UNC13C: variants seen among roughly 807,000 people sequenced by gnomAD.
UNC13C encodes unc-13 homolog C, also known as protein unc-13 homolog C.
In UNC13C, 174 loss-of-function variants were observed where a neutral mutation model predicts 245.4. That is an observed-to-expected ratio of 0.71 (90% CI 0.63 to 0.80). The LOEUF is 0.80. UNC13C is among the 30% of genes least tolerant of loss of function. The probability of loss-of-function intolerance (pLI) is 0.00; values close to 1 mark genes in which losing one functional copy is unlikely to be tolerated. For synonymous variants in UNC13C, 992 were observed against 895.1 expected (o/e 1.11, Z -1.93); for missense variants, 2,829 against 2,602.9 (o/e 1.09, Z -1.89).
chr15:54,043,856 G>C (rs1418096937), intron 2 of UNC13C, among the ~76,000 whole-genome samples: 1 of 151,970 alleles, frequency 6.6e-6, no homozygotes, highest in African/African-American at 2.4e-5. Context: ...TTTCCCTTTG[G>C]GCCTTGTATC....
At chr15:54,137,332 C>T (rs1385742536) in intron 2 of UNC13C, among the ~76,000 whole-genome samples, 2 of 152,120 alleles carry the variant, frequency 1.3e-5, no homozygotes, top group East Asian at 3.9e-4. Flanking sequence ...CCTTGTCTGG[C>T]TTTGGTGTGA....
upstream of UNC13C, among the ~76,000 whole-genome samples, chr15:53,975,299 A>G (rs1208757562): frequency 1.3e-5 from 2 of 152,178 alleles, no homozygotes; most frequent in Non-Finnish European, 2.9e-5. Flanking sequence ...TCTCCTATAC[A>G]TTATTTACTT....
At chr15:54,185,778 T>TCCA (rs2033959581) in intron 4 of UNC13C, among the ~76,000 whole-genome samples, 1 of 151,096 alleles carries the variant, frequency 6.6e-6, no homozygotes, top group Non-Finnish European at 1.5e-5. Context: ...CATATGAACT[T>TCCA]TAAAGTAGTT....
chr15:54,604,620 C>G (rs1027247764), intron 30 of UNC13C, among the ~76,000 whole-genome samples: 1 of 152,126 alleles, frequency 6.6e-6, no homozygotes, highest in Non-Finnish European at 1.5e-5. Flanking sequence ...GGCCAGAATC[C>G]CCACTGGTCT....
rs1901318866 is a variant in UNC13C at position 54,628,329 on chromosome 15, C to G, written c.*1216C>G. 1 of 152,416 alleles carries G rather than the reference C, an allele frequency of 6.6e-6. No individual in the cohort carries two copies. Among genetic ancestry groups the G allele is most frequent in the Non-Finnish European group, 1.5e-5 (1 of 68,018 alleles). The allele number at this position is 152,416 out of a possible 1,614,324, so 9.4% of individuals were successfully genotyped here. A position where few individuals can be genotyped will look rare whatever the true frequency, so the allele number is the denominator to read the frequency against. On this transcript the variant is annotated 3_prime_UTR_variant, in exon 33 of 33. Coordinates refer to ENST00000260323, the MANE Select transcript of UNC13C (RefSeq NM_001080534.3). ...GTACTTTGTAATTATAACTTATGGT[C>G]ATAACTGTTAGTGGACTACTTACAG... is the stretch of plus-strand genomic sequence containing the variant.
chr15:54,277,104 C>T lies in UNC13C; in HGVS notation c.3818+11608C>T, dbSNP rs1436963554. On this transcript the variant is annotated intron_variant, in intron 10 of 32. Transcript: ENST00000260323. ...CAAATAATTCCAAAGACATGCCTTT[C>T]TTTTCTGTGCACGATACTCAAACAT... Among the ~76,000 whole-genome samples, 3 of 152,048 alleles carry T rather than the reference C, an allele frequency of 2.0e-5. No homozygotes were observed. In the East Asian group the frequency reaches 5.8e-4, roughly 29 times the overall value.
chr15:53,884,507 T>C, the UNC13C span, among the ~76,000 whole-genome samples: 1 of 152,112 alleles, frequency 6.6e-6, no homozygotes, highest in Non-Finnish European at 1.5e-5. Context: ...TTTTGTTTAT[T>C]TATATTTTTG....
chr15:54,514,310 T>C (rs374595515), intron 24 of UNC13C, among the ~76,000 whole-genome samples: 2 of 152,208 alleles, frequency 1.3e-5, no homozygotes, highest in East Asian at 1.9e-4. Flanking sequence ...AGTTATACAA[T>C]GTGTTCTAAT....
intron 4 of UNC13C, among the ~76,000 whole-genome samples, chr15:54,158,365 G>A (rs189378875): frequency 1.3e-5 from 2 of 151,410 alleles, no homozygotes; most frequent in Non-Finnish European, 2.9e-5. Context: ...TCTCACTCTT[G>A]TCGCCCAGGC....
At chr15:54,610,817 G>A (rs574675275) in intron 30 of UNC13C, among the ~76,000 whole-genome samples, 9 of 152,248 alleles carry the variant, frequency 5.9e-5, no homozygotes, top group South Asian at 2.1e-4. Flanking sequence ...AGACCATCAC[G>A]TACCTTTTAC....
intron 4 of UNC13C, among the ~76,000 whole-genome samples, chr15:54,208,259 C>T (rs2034776308): frequency 6.6e-6 from 1 of 152,068 alleles, no homozygotes. Context: ...ATGACCCCCG[C>T]CCTGTGATAC....
intron 22 of UNC13C, among the ~76,000 whole-genome samples, chr15:54,504,816 G>A (rs748792280): frequency 2.0e-4 from 30 of 152,106 alleles, no homozygotes; most frequent in Non-Finnish European, 3.8e-4. Context: ...ACACTAGATG[G>A]AATAACTGGA....
At chr15:53,927,386 G>A in the UNC13C span, among the ~76,000 whole-genome samples, 5 of 152,280 alleles carry the variant, frequency 3.3e-5, no homozygotes, top group East Asian at 9.7e-4. Flanking sequence ...GTCCAGATAA[G>A]AAATGATGCA....
At chr15:54,051,562 C>G (rs1897266394) in intron 2 of UNC13C, among the ~76,000 whole-genome samples, 1 of 152,048 alleles carries the variant, frequency 6.6e-6, no homozygotes, top group Non-Finnish European at 1.5e-5. Flanking sequence ...AGCTGCTGAT[C>G]AGATAGCTGT....
intron 2 of UNC13C, among the ~76,000 whole-genome samples, chr15:54,061,108 A>G (rs966427341): frequency 1.5e-4 from 11 of 73,058 alleles, no homozygotes; most frequent in African/African-American, 6.4e-4. Flanking sequence ...CCTAAAACTT[A>G]AAGTATAATA....
rs1894129092 is a variant in UNC13C at position 54,500,024 on chromosome 15, T to A, written c.5061-55T>A. The stretch of plus-strand genomic sequence containing the variant: ...TATGCAAAAAGAGCAGCATTCCTGT[T>A]AATTTTATGCAAATGATGTCCTTTG... On this transcript the variant is annotated intron_variant, in intron 20 of 32. Coordinates refer to ENST00000260323, the MANE Select transcript of UNC13C (RefSeq NM_001080534.3). 6 of 1,289,642 alleles carry A rather than the reference T, an allele frequency of 4.7e-6. No individual in the cohort carries two copies. The South Asian group carries it at 6.8e-5, about 15-fold the overall frequency. The allele number at this position is 1,289,642 out of a possible 1,614,324, so 79.9% of individuals were successfully genotyped here.
intron 19 of UNC13C, among the ~76,000 whole-genome samples, chr15:54,445,851 A>T (rs947913098): frequency 7.9e-5 from 12 of 152,070 alleles, no homozygotes; most frequent in Non-Finnish European, 1.6e-4. Context: ...GGTGTTTTAG[A>T]CATGAAGTCC....
chr15:54,175,278 A>G (rs2033567651), intron 4 of UNC13C, among the ~76,000 whole-genome samples: 1 of 152,116 alleles, frequency 6.6e-6, no homozygotes, highest in Admixed American at 6.6e-5. Context: ...GATGTTTGAT[A>G]CTTTAAACCC....
chr15:54,271,589 T>C (rs1437844880), intron 10 of UNC13C, among the ~76,000 whole-genome samples: 3 of 152,194 alleles, frequency 2.0e-5, no homozygotes, highest in Non-Finnish European at 4.4e-5. Context: ...CTGAGGACTC[T>C]ATAGTTGAGG....
Sources: gnomAD v4.1 joint callset for allele counts (sites outside exome capture counted in the v4.1 genomes callset) on GRCh38, gnomAD v4.1.1 for gene constraint, MANE v1.5 for transcripts, NCBI Gene and HGNC (gene_info 2026-07-23, HGNC 2026-07-21) for gene names.